Variants in ZNF92 observed in about 807,000 individuals in gnomAD.
The protein encoded by ZNF92 is zinc finger protein 92, also known as epididymis luminal protein 203.
A neutral mutation model predicts 12.4 loss-of-function variants in ZNF92; 11 were observed. That is an observed-to-expected ratio of 0.89 (90% confidence interval 0.56 to 1.47). The LOEUF is 1.47. Among genes scored for constraint, ZNF92 ranks in the 40% most tolerant of loss-of-function variants. The pLI is 0.00. For missense variants in ZNF92, 622 were observed against 681.0 expected, an observed-to-expected ratio of 0.91 and a Z score of 0.96; for synonymous variants, 206 against 228.6, an observed-to-expected ratio of 0.90 and a Z score of 0.89.
intron 1 of ZNF92, among the ~76,000 whole-genome samples, chr7:65,377,043 G>A (rs2116331910): frequency 6.6e-6 from 1 of 152,154 alleles, no homozygotes; most frequent in Admixed American, 6.5e-5. Context: ...ATGACTACGT[G>A]ATTTTTAATG....
At chr7:65,392,146 G>A (rs1037602376) in intron 3 of ZNF92, among the ~76,000 whole-genome samples, 1 of 151,980 alleles carries the variant, frequency 6.6e-6, no homozygotes, top group African/African-American at 2.4e-5. Flanking sequence ...TTATATATGT[G>A]TGTGTTTTTA....
chr7:65,382,158 G>GT (rs1416861747), intron 1 of ZNF92, among the ~76,000 whole-genome samples: 7 of 152,014 alleles, frequency 4.6e-5, no homozygotes. Context: ...GATGAACTAT[G>GT]TATAACATGG....
At chr7:65,389,813 C>T (rs1315839216) in intron 3 of ZNF92, among the ~76,000 whole-genome samples, 1 of 151,702 alleles carries the variant, frequency 6.6e-6, no homozygotes, top group African/African-American at 2.4e-5. Context: ...CTGTGCCTAG[C>T]CCAGAAATTT....
chr7:65,380,132 A>G (rs1451671061), intron 1 of ZNF92, among the ~76,000 whole-genome samples: 1 of 152,048 alleles, frequency 6.6e-6, no homozygotes, highest in East Asian at 1.9e-4. Flanking sequence ...CTGTTTCTGC[A>G]TTAGTTTTCT....
chr7:65,387,146 A>G (rs1793590538), intron 1 of ZNF92, among the ~76,000 whole-genome samples: 1 of 151,772 alleles, frequency 6.6e-6, no homozygotes, highest in Admixed American at 6.6e-5. Context: ...TCACCATGTT[A>G]GCCAGGCTGG....
At chr7:65,379,109 T>G (rs978555955) in intron 1 of ZNF92, among the ~76,000 whole-genome samples, 1 of 152,088 alleles carries the variant, frequency 6.6e-6, no homozygotes, top group Non-Finnish European at 1.5e-5. Context: ...ATCAAATTAT[T>G]GAACTGGAGG....
chr7:65,373,870 C>G lies in ZNF92; in HGVS notation c.-128C>G, dbSNP rs898635420. 5 of 1,325,462 alleles carry G rather than the reference C, an allele frequency of 3.8e-6. No individual in the cohort carries two copies. Among genetic ancestry groups the G allele is most frequent in the African/African-American group, 1.4e-5 (1 of 69,298 alleles). 82.1% of individuals were successfully genotyped at this position (1,325,462 alleles called of 1,614,324 possible). ...CGGGGCCTTTGTCTCTCGCTGCAGC[C>G]GGCGCTCCACGTCTAGTCTTCACTG... On this transcript the variant is annotated 5_prime_UTR_variant, in exon 1 of 4. Transcript: ENST00000328747.
intron 1 of ZNF92, among the ~76,000 whole-genome samples, chr7:65,386,511 G>C (rs1385132511): frequency 6.6e-6 from 1 of 151,994 alleles, no homozygotes; most frequent in Admixed American, 6.6e-5. Flanking sequence ...GTAATATTGA[G>C]GTTTCATCTG....
At chr7:65,386,124 A>G (rs906515876) in intron 1 of ZNF92, among the ~76,000 whole-genome samples, 3 of 151,944 alleles carry the variant, frequency 2.0e-5, no homozygotes, top group African/African-American at 4.8e-5. Context: ...GGTTCAAGCA[A>G]TTCTCCTGCC....
chr7:65,397,502 A>C (rs2116404481), intron 3 of ZNF92, among the ~76,000 whole-genome samples: 1 of 141,432 alleles, frequency 7.1e-6, no homozygotes, highest in South Asian at 2.2e-4. Context: ...TTTATTTTTT[A>C]TGGTTGCTTT....
At chr7:65,397,696 T>C (rs989225545) in intron 3 of ZNF92, among the ~76,000 whole-genome samples, 1 of 152,100 alleles carries the variant, frequency 6.6e-6, no homozygotes, top group African/African-American at 2.4e-5. Flanking sequence ...CTCTCAAACA[T>C]GTTCTTAGGA....
chr7:65,380,151 T>C (rs925691829), intron 1 of ZNF92, among the ~76,000 whole-genome samples: 2 of 152,162 alleles, frequency 1.3e-5, no homozygotes, highest in African/African-American at 4.8e-5. Flanking sequence ...CTAAGGATAA[T>C]GGTCTCCAGC....
At chr7:65,377,058 TAATAA>T (rs1182148795) in intron 1 of ZNF92, among the ~76,000 whole-genome samples, 3 of 152,122 alleles carry the variant, frequency 2.0e-5, no homozygotes, top group Non-Finnish European at 4.4e-5. Flanking sequence ...TTAATGGAAA[TAATAA>T]AATAATAAAT....
intron 1 of ZNF92, among the ~76,000 whole-genome samples, chr7:65,382,177 ATTC>A (rs1421900170): frequency 6.6e-6 from 1 of 151,958 alleles, no homozygotes; most frequent in African/African-American, 2.4e-5. Flanking sequence ...GGTACTGTAA[ATTC>A]TTCTACTTAT....
rs1180395932 is a variant in ZNF92, at chr7:65,398,643, A to T, written c.529A>T (p.Asn177Tyr). ...TGGAAAGAAACCTTTCAAATGTAAA[A>T]ACCGTGGCAAATCATTTTGCATGCT... ...HTGKKPFKCK[N>Y]RGKSFCMLSQ... The change falls in exon 4 of 4, where the codon AAC becomes TAC. Residue 177 changes from asparagine to tyrosine, a missense_variant. Physicochemically the swap from Asn to Tyr is moderately radical, Grantham distance 143. Coordinates refer to ENST00000328747, the MANE Select transcript of ZNF92 (RefSeq NM_152626.4). The T allele has an allele frequency of 6.2e-7, 1 of 1,612,126 alleles. No homozygotes were observed. Among genetic ancestry groups the T allele is most frequent in the Admixed American group, 1.7e-5 (1 of 59,642 alleles).
At chr7:65,376,102 TG>T (rs1260376327) in intron 1 of ZNF92, among the ~76,000 whole-genome samples, 1 of 151,714 alleles carries the variant, frequency 6.6e-6, no homozygotes, top group Admixed American at 6.6e-5. Flanking sequence ...TAGTAGAGAC[TG>T]GGTTTCACTC....
intron 3 of ZNF92, among the ~76,000 whole-genome samples, chr7:65,397,775 G>C (rs375250730): frequency 6.8e-6 from 1 of 147,294 alleles, no homozygotes; most frequent in South Asian, 2.2e-4. Context: ...TTGTTAAGTC[G>C]GTAATCAGTT....
rs1158337608 is a variant in ZNF92 at position 65,389,019 on chromosome 7, G to T, written c.226+118G>T. 4 of 831,322 alleles carry T rather than the reference G, an allele frequency of 4.8e-6. No homozygotes were observed. In the East Asian group the frequency reaches 1.4e-4, roughly 28 times the overall value. The allele number at this position is 831,322 out of a possible 1,614,324, so 51.5% of individuals were successfully genotyped here. On this transcript the variant is annotated intron_variant, in intron 3 of 3. Coordinates refer to ENST00000328747, the MANE Select transcript of ZNF92 (RefSeq NM_152626.4). ...TTGTTGTCCAGGCTGGAGTGCAAGG[G>T]TGTGATCTTGGCTTACTGCAACCTC... is the stretch of plus-strand genomic sequence containing the variant.
Position 65,387,999 on chromosome 7 carries a change from T to G in ZNF92, c.101T>G (p.Leu34Ter). The G allele has an allele frequency of 6.2e-7, 1 of 1,608,578 alleles. No individual in the cohort carries two copies. Among genetic ancestry groups the G allele is most frequent in the Non-Finnish European group, 8.5e-7 (1 of 1,177,364 alleles). ...AQRNLYRDVM[L>*]ENYRNLVFLG... ...CGGAATTTATATAGAGATGTGATGT[T>G]AGAGAACTACAGAAACCTGGTCTTC... Residue 34 changes from leucine (L) to a stop codon, truncating the protein, a stop_gained, in exon 2 of 4, where the codon TTA (leucine) becomes TGA (stop). Coordinates refer to ENST00000328747, the MANE Select transcript of ZNF92 (RefSeq NM_152626.4). LOFTEE classifies it high-confidence loss of function.
Sources: allele counts gnomAD v4.1 joint callset (sites outside exome capture counted in the v4.1 genomes callset), GRCh38; gene constraint gnomAD v4.1.1; transcripts MANE v1.5; gene names NCBI Gene and HGNC (gene_info 2026-07-23, HGNC 2026-07-21).